DTWD2: variants seen among roughly 807,000 people sequenced by gnomAD.
The protein encoded by DTWD2 is tRNA-uridine aminocarboxypropyltransferase 2.
A neutral mutation model predicts 31.8 loss-of-function variants in DTWD2; 39 were observed. The ratio of observed to expected loss-of-function variants is 1.22; its 90% CI spans 0.95 to 1.60. DTWD2 has a LOEUF of 1.60. Among genes scored for constraint, DTWD2 ranks in the 40% most tolerant of loss-of-function variants. The probability of loss-of-function intolerance (pLI) is 0.00; values close to 1 mark genes in which losing one functional copy is unlikely to be tolerated. For missense variants in DTWD2, 515 were observed against 381.5 expected, an observed-to-expected ratio of 1.35 and a Z score of -2.92; for synonymous variants, 180 against 142.8, an observed-to-expected ratio of 1.26 and a Z score of -1.86.
At chr5:118,948,812 G>A (rs1022624183) in intron 1 of DTWD2, among the ~76,000 whole-genome samples, 3 of 152,112 alleles carry the variant, frequency 2.0e-5, no homozygotes, top group Non-Finnish European at 4.4e-5. Flanking sequence ...AAAGAGGAGT[G>A]GGGAAAGGAT....
chr5:118,937,829 T>C (rs946988472), intron 3 of DTWD2, among the ~76,000 whole-genome samples: 2 of 150,530 alleles, frequency 1.3e-5, no homozygotes, highest in Non-Finnish European at 3.0e-5. Context: ...CTAACCTCTC[T>C]GGTATCTGTG....
At chr5:118,988,092 G>C in intron 1 of DTWD2, 4 of 730,132 alleles carry the variant, frequency 5.5e-6, no homozygotes, top group Non-Finnish European at 9.7e-6. Context: ...CAGGAAGTAA[G>C]GTTAGATAAT....
At chr5:118,933,619 T>G (rs1335321217) in intron 3 of DTWD2, among the ~76,000 whole-genome samples, 1 of 151,898 alleles carries the variant, frequency 6.6e-6, no homozygotes, top group Non-Finnish European at 1.5e-5. Context: ...TGATAAAAAC[T>G]CTCCACAAAC....
intron 5 of DTWD2, among the ~76,000 whole-genome samples, chr5:118,843,289 G>A (rs1025990093): frequency 1.3e-5 from 2 of 150,480 alleles, no homozygotes; most frequent in African/African-American, 4.9e-5. Context: ...AGAAAAGGAA[G>A]GAAGGGAAAG....
intron 4 of DTWD2, among the ~76,000 whole-genome samples, chr5:118,894,780 G>A (rs1753046395): frequency 6.6e-6 from 1 of 152,038 alleles, no homozygotes; most frequent in Non-Finnish European, 1.5e-5. Flanking sequence ...TTCAACAGAT[G>A]CTAAAAAAGA....
At chr5:118,935,332 T>G (rs1033649278) in intron 3 of DTWD2, among the ~76,000 whole-genome samples, 2 of 152,152 alleles carry the variant, frequency 1.3e-5, no homozygotes, top group African/African-American at 4.8e-5. Flanking sequence ...AAGCCCCAAC[T>G]TGAAGCTGAT....
intron 4 of DTWD2, among the ~76,000 whole-genome samples, chr5:118,878,065 C>T (rs1427384644): frequency 4.6e-5 from 7 of 151,968 alleles, no homozygotes; most frequent in Non-Finnish European, 2.9e-5. Flanking sequence ...AATGGAAAAA[C>T]ATTAAAATGG....
intron 1 of DTWD2, among the ~76,000 whole-genome samples, chr5:118,952,245 C>T (rs900633823): frequency 2.6e-5 from 4 of 152,278 alleles, no homozygotes; most frequent in African/African-American, 9.6e-5. Flanking sequence ...GGGAGGTCCC[C>T]CAATCCGAGT....
intron 2 of DTWD2, among the ~76,000 whole-genome samples, chr5:118,941,713 C>G (rs186081863): frequency 3.3e-5 from 5 of 152,298 alleles, no homozygotes; most frequent in African/African-American, 1.2e-4. Context: ...ATGGCTGGGT[C>G]AAATGGTATT....
chr5:118,919,562 AGTGT>A (rs1227188389), intron 4 of DTWD2, among the ~76,000 whole-genome samples: 1 of 152,202 alleles, frequency 6.6e-6, no homozygotes, highest in African/African-American at 2.4e-5. Context: ...AAAAATCATG[AGTGT>A]GCAGAAACAT....
intron 1 of DTWD2, among the ~76,000 whole-genome samples, chr5:118,957,816 T>C (rs998743380): frequency 5.9e-5 from 9 of 152,146 alleles, no homozygotes; most frequent in Non-Finnish European, 1.3e-4. Context: ...GAAATATATA[T>C]TGTGCTTTGA....
At chr5:118,865,816 C>T (rs893651006) in intron 4 of DTWD2, among the ~76,000 whole-genome samples, 2 of 152,026 alleles carry the variant, frequency 1.3e-5, no homozygotes, top group Non-Finnish European at 2.9e-5. Context: ...TATAACCTAT[C>T]TCCTTAGGTT....
intron 1 of DTWD2, among the ~76,000 whole-genome samples, chr5:118,953,385 C>A (rs1385645207): frequency 6.6e-6 from 1 of 152,150 alleles, no homozygotes; most frequent in African/African-American, 2.4e-5. Context: ...AAGTAGTAAT[C>A]AAAGAATAAT....
chr5:118,971,246 C>G (rs1441393806), intron 1 of DTWD2, among the ~76,000 whole-genome samples: 1 of 152,110 alleles, frequency 6.6e-6, no homozygotes, highest in African/African-American at 2.4e-5. Context: ...ACCCATCTCA[C>G]ATGCAAAGAC....
At chr5:118,896,491 A>T (rs538815761) in intron 4 of DTWD2, among the ~76,000 whole-genome samples, 1 of 152,276 alleles carries the variant, frequency 6.6e-6, no homozygotes, top group Admixed American at 6.5e-5. Flanking sequence ...TAATTCTCTT[A>T]CAAACATAAG....
intron 4 of DTWD2, among the ~76,000 whole-genome samples, chr5:118,915,620 T>C (rs1187140397): frequency 1.3e-5 from 2 of 152,118 alleles, no homozygotes; most frequent in Non-Finnish European, 2.9e-5. Context: ...GTGATCAGCC[T>C]GCCTCGGCCT....
intron 1 of DTWD2, among the ~76,000 whole-genome samples, chr5:118,955,410 TAAAC>T (rs1190296791): frequency 6.6e-6 from 1 of 152,216 alleles, no homozygotes; most frequent in Non-Finnish European, 1.5e-5. Flanking sequence ...CATCTCTTCC[TAAAC>T]TAGTGGGTAA....
At chr5:118,925,438 G>C (rs1753789234) in intron 4 of DTWD2, among the ~76,000 whole-genome samples, 1 of 152,132 alleles carries the variant, frequency 6.6e-6, no homozygotes, top group South Asian at 2.1e-4. Flanking sequence ...AAATAGCGTG[G>C]CTAATGCTCT....
chr5:118,944,812 T>C (rs997755344), intron 1 of DTWD2, among the ~76,000 whole-genome samples, 163 bp from the exon 2 acceptor site: 29 of 152,344 alleles, frequency 1.9e-4, no homozygotes, highest in African/African-American at 6.7e-4. Flanking sequence ...AATCAGACTT[T>C]AGACATGAGA....
Sources: gnomAD v4.1 joint callset for allele counts (sites outside exome capture counted in the v4.1 genomes callset) on GRCh38, gnomAD v4.1.1 for gene constraint, MANE v1.5 for transcripts, NCBI Gene and HGNC (gene_info 2026-07-23, HGNC 2026-07-21) for gene names.